FTO: variants seen among roughly 807,000 people sequenced by gnomAD.
FTO encodes the protein alpha-ketoglutarate-dependent dioxygenase FTO.
FTO carries 47 observed loss-of-function variants against 63.9 expected under a neutral mutation model. The observed-to-expected ratio is 0.74, with a 90% CI of 0.58 to 0.94. The LOEUF (loss-of-function observed/expected upper bound fraction) is 0.94. Among genes scored for constraint, FTO ranks in the 40% least tolerant of loss-of-function variants. The pLI is 0.00. For missense variants in FTO, 562 were observed against 618.1 expected (o/e 0.91, Z 0.96); for synonymous variants, 207 against 224.4 (o/e 0.92, Z 0.69).
intron 8 of FTO, chr16:53,992,518 C>T (rs1158440092): frequency 6.6e-6 from 1 of 152,160 alleles, no homozygotes; most frequent in Non-Finnish European, 1.5e-5. Context: ...CCATCTTTCT[C>T]TTCGTGCCTG....
intron 1 of FTO, among the ~76,000 whole-genome samples, chr16:53,765,009 C>T (rs2077166004): frequency 3.3e-5 from 5 of 152,096 alleles, no homozygotes; most frequent in Admixed American, 2.6e-4. Context: ...CATGAGCCAC[C>T]ATGCCCAACC....
chr16:53,836,959 C>T (rs1000522398), intron 3 of FTO, among the ~76,000 whole-genome samples: 3 of 152,134 alleles, frequency 2.0e-5, no homozygotes, highest in African/African-American at 7.2e-5. Context: ...TAACCCAGTT[C>T]GGTTCTGGTT....
intron 8 of FTO, among the ~76,000 whole-genome samples, chr16:53,979,949 T>C (rs1212717032): frequency 1.3e-5 from 2 of 152,182 alleles, no homozygotes; most frequent in African/African-American, 4.8e-5. Flanking sequence ...CAAAGCACAT[T>C]GGCTTATTCA....
intron 7 of FTO, among the ~76,000 whole-genome samples, chr16:53,913,588 C>G (rs2081773700): frequency 6.6e-6 from 1 of 152,208 alleles, no homozygotes; most frequent in African/African-American, 2.4e-5. Context: ...TGGCCTGTCT[C>G]TTGCCTTTGT....
chr16:53,918,092 A>C (rs555353327), intron 7 of FTO, among the ~76,000 whole-genome samples: 14 of 152,122 alleles, frequency 9.2e-5, no homozygotes, highest in Non-Finnish European at 1.9e-4. Flanking sequence ...TTGTGGTGAT[A>C]TTTGTTAGTT....
intron 1 of FTO, among the ~76,000 whole-genome samples, chr16:53,775,933 C>G (rs1293924221): frequency 6.6e-6 from 1 of 152,002 alleles, no homozygotes; most frequent in African/African-American, 2.4e-5. Context: ...ACTCTCCGCT[C>G]CTTTTTATGT....
intron 1 of FTO, among the ~76,000 whole-genome samples, chr16:53,727,201 C>A (rs748273866): frequency 1.3e-5 from 2 of 152,168 alleles, no homozygotes; most frequent in Non-Finnish European, 2.9e-5. Context: ...TTTCAAATAG[C>A]ACAATTTAAA....
At chr16:53,768,656 A>G (rs1320461884) in intron 1 of FTO, among the ~76,000 whole-genome samples, 2 of 152,212 alleles carry the variant, frequency 1.3e-5, no homozygotes, top group African/African-American at 4.8e-5. Context: ...GCTTATGAGC[A>G]CAGAGTCATT....
intron 8 of FTO, among the ~76,000 whole-genome samples, chr16:53,953,633 A>G (rs2082851952): frequency 1.3e-5 from 2 of 152,236 alleles, no homozygotes; most frequent in Admixed American, 6.5e-5. Flanking sequence ...ATATGTTTCC[A>G]TAACAACTGC....
intron 8 of FTO, among the ~76,000 whole-genome samples, chr16:54,099,956 C>T (rs1314640859): frequency 6.6e-6 from 1 of 152,132 alleles, no homozygotes; most frequent in African/African-American, 2.4e-5. Flanking sequence ...CGTATGTCTC[C>T]CCCACCGCAA....
chr16:53,874,249 T>C (rs551043414), intron 5 of FTO, among the ~76,000 whole-genome samples: 2 of 152,318 alleles, frequency 1.3e-5, no homozygotes, highest in African/African-American at 4.8e-5. Context: ...GTTCAGATGT[T>C]GAGAATTTTC....
chr16:53,825,791 A>G (rs1367768882), intron 2 of FTO, 73 bp from the exon 3 acceptor site: 8 of 1,571,274 alleles, frequency 5.1e-6, no homozygotes, highest in African/African-American at 1.3e-5. Context: ...ATGCTTACAA[A>G]GAAACACACC....
chr16:53,848,259 G>A (rs908637733), intron 4 of FTO, among the ~76,000 whole-genome samples: 7 of 152,120 alleles, frequency 4.6e-5, no homozygotes, highest in African/African-American at 1.7e-4. Context: ...TCTGAAATCT[G>A]AACTTCATAG....
intron 1 of FTO, among the ~76,000 whole-genome samples, chr16:53,800,775 A>C (rs1188405386): frequency 1.3e-5 from 2 of 152,082 alleles, no homozygotes; most frequent in East Asian, 1.9e-4. Flanking sequence ...GTCTGATATC[A>C]ATATAGCCAC....
intron 1 of FTO, among the ~76,000 whole-genome samples, chr16:53,796,750 A>G (rs181914030): frequency 1.4e-4 from 22 of 152,342 alleles, no homozygotes; most frequent in African/African-American, 4.8e-4. Context: ...CGTTAAACCA[A>G]ATTTAAGTAA....
At chr16:53,707,444 A>G (rs1420547853) in intron 1 of FTO, among the ~76,000 whole-genome samples, 4 of 152,316 alleles carry the variant, frequency 2.6e-5, no homozygotes, top group African/African-American at 4.8e-5. Flanking sequence ...TTGCAAGGAC[A>G]CTTTTTCCAA....
chr16:53,914,237 T>A lies in FTO; in HGVS notation c.1240-19748T>A, dbSNP rs143958441. Reference sequence around the variant, plus strand: ...ATCTCCTGTGATGTCTTAGAAGAAATACTTCTTCTTTCTTTCTTTTTTCTT... The same window carrying A: ...ATCTCCTGTGATGTCTTAGAAGAAAAACTTCTTCTTTCTTTCTTTTTTCTT... On this transcript the variant is annotated intron_variant, in intron 7 of 8. Transcript: ENST00000471389. Among the ~76,000 whole-genome samples the A allele has an allele frequency of 2.2e-3, 341 of 151,682 alleles. 2 individuals are homozygous for A. Among genetic ancestry groups the A allele is most frequent in the African/African-American group, 8.0e-3 (331 of 41,200 alleles).
chr16:53,751,925 C>T (rs1464453593), intron 1 of FTO, among the ~76,000 whole-genome samples: 1 of 152,188 alleles, frequency 6.6e-6, no homozygotes, highest in Non-Finnish European at 1.5e-5. Flanking sequence ...TTACATTTTA[C>T]CTTCTTGAAG....
chr16:53,753,596 C>T, intron 1 of FTO, among the ~76,000 whole-genome samples: 1 of 152,098 alleles, frequency 6.6e-6, no homozygotes, highest in East Asian at 1.9e-4. Flanking sequence ...TGGCTCGTGT[C>T]CTTCCTAATT....
Sources: gnomAD v4.1 joint callset for allele counts (sites outside exome capture counted in the v4.1 genomes callset) on GRCh38, gnomAD v4.1.1 for gene constraint, MANE v1.5 for transcripts, NCBI Gene and HGNC (gene_info 2026-07-23, HGNC 2026-07-21) for gene names.